Variants in KAZN observed in about 807,000 individuals in gnomAD.
KAZN encodes kazrin.
KAZN carries 40 observed loss-of-function variants against 87.4 expected under a neutral mutation model. The observed-to-expected ratio is 0.46, with a 90% CI of 0.36 to 0.60. The LOEUF is 0.60. KAZN is among the 20% of genes least tolerant of loss of function. The pLI, the probability that KAZN is intolerant of heterozygous loss-of-function variation, is 0.00. For synonymous variants in KAZN, 466 were observed against 458.3 expected (o/e 1.02, Z -0.22); for missense variants, 898 against 1,073.9 (o/e 0.84, Z 2.29).
At chr1:14,563,874 C>CTATTTTTTTTTTTTTTTT (rs1674393152) in intron 2 of KAZN, among the ~76,000 whole-genome samples, 1 of 97,928 alleles carries the variant, frequency 1.0e-5, no homozygotes, top group Non-Finnish European at 2.0e-5. Context: ...GTTCAAACTC[C>CTATTTTTTTTTTTTTTTT]TTTTTTTTTT....
intron 1 of KAZN, among the ~76,000 whole-genome samples, chr1:14,076,178 G>T (rs1643451663): frequency 6.6e-6 from 1 of 151,112 alleles, no homozygotes; most frequent in Non-Finnish European, 1.5e-5. Flanking sequence ...CTACTCGGGA[G>T]GCTGAGGCAG....
At chr1:15,025,807 G>A (rs12129176) in intron 2 of KAZN, among the ~76,000 whole-genome samples, 35,688 of 152,070 alleles carry the variant, frequency 0.23, 5,092 homozygotes, top group South Asian at 0.32. Context: ...ACCTCGTGGT[G>A]AGAAGATAAA....
intron 2 of KAZN, among the ~76,000 whole-genome samples, chr1:14,189,032 T>C (rs553463281): frequency 6.6e-6 from 1 of 152,228 alleles, no homozygotes; most frequent in South Asian, 2.1e-4. Context: ...TGAGGCATGG[T>C]GTTGCTAAGT....
intron 1 of KAZN, among the ~76,000 whole-genome samples, chr1:13,997,910 CAT>C (rs1206554247): frequency 1.3e-5 from 2 of 152,190 alleles, no homozygotes; most frequent in East Asian, 3.9e-4. Flanking sequence ...CCCCAAGACA[CAT>C]AATCATCAGA....
chr1:14,325,174 TC>T (rs1467356179), intron 2 of KAZN, among the ~76,000 whole-genome samples: 2 of 151,238 alleles, frequency 1.3e-5, no homozygotes, highest in African/African-American at 4.9e-5. Flanking sequence ...GTTTGTGCTC[TC>T]CCTCTCTCTC....
intron 1 of KAZN, among the ~76,000 whole-genome samples, chr1:14,090,813 A>C (rs1194642997): frequency 2.6e-5 from 4 of 152,094 alleles, no homozygotes; most frequent in Non-Finnish European, 5.9e-5. Flanking sequence ...ATCAATGCTC[A>C]GCTAAACACT....
At chr1:14,196,509 G>C (rs1646529406) in intron 2 of KAZN, among the ~76,000 whole-genome samples, 1 of 152,074 alleles carries the variant, frequency 6.6e-6, no homozygotes, top group African/African-American at 2.4e-5. Context: ...GGAGGTGAGA[G>C]AGAAAGAGAG....
Position 14,599,350 on chromosome 1 carries a change from T to G in KAZN, c.226+127T>G. The G allele has an allele frequency of 9.8e-7, 1 of 1,020,814 alleles. No individual in the cohort carries two copies. The highest frequency in any genetic ancestry group is 1.2e-6 in the Non-Finnish European group (1 of 800,028). 63.2% of individuals were successfully genotyped at this position (1,020,814 alleles called of 1,614,324 possible). ...GCTTTGCATTCTGGCTTGTAACCCT[T>G]TCCGCCCGGCGGTGGCCACCGCTGC... On this transcript the variant is annotated intron_variant, in intron 1 of 14. Coordinates refer to ENST00000376030, the MANE Select transcript of KAZN (RefSeq NM_201628.3). The surrounding 1 kb of genome is among the most constrained non-coding windows in gnomAD (Gnocchi z 4.4).
intron 2 of KAZN, among the ~76,000 whole-genome samples, chr1:14,187,691 T>C (rs912112122): frequency 9.9e-5 from 15 of 152,188 alleles, no homozygotes; most frequent in African/African-American, 3.6e-4. Context: ...AAGCCAAGGA[T>C]GTTGCTAAAC....
chr1:14,978,796 C>T (rs1041172961), intron 2 of KAZN, among the ~76,000 whole-genome samples: 3 of 152,074 alleles, frequency 2.0e-5, no homozygotes, highest in East Asian at 3.9e-4. Context: ...GGGGGTCTGA[C>T]GCCCAGACAT....
chr1:14,871,270 C>T (rs561359372), intron 1 of KAZN, among the ~76,000 whole-genome samples: 1 of 152,254 alleles, frequency 6.6e-6, no homozygotes, highest in Non-Finnish European at 1.5e-5. Flanking sequence ...CAGCTCTCTT[C>T]TAGAATGTTC....
chr1:14,730,666 T>G (rs918663784), intron 1 of KAZN, among the ~76,000 whole-genome samples: 5 of 152,164 alleles, frequency 3.3e-5, no homozygotes, highest in Admixed American at 2.0e-4. Flanking sequence ...ATTATCAGGT[T>G]CTGCAATACT....
intron 2 of KAZN, among the ~76,000 whole-genome samples, chr1:14,454,906 G>A (rs993070695): frequency 6.6e-6 from 1 of 152,186 alleles, no homozygotes; most frequent in African/African-American, 2.4e-5. Context: ...GTGGCTCAAT[G>A]GGATGCCTCA....
rs542949566 is a variant in KAZN, at chr1:14,331,660, T to C, written c.249+151068T>C. Among the ~76,000 whole-genome samples the C allele has an allele frequency of 1.8e-3, 279 of 152,312 alleles. 1 individual carries two copies. Among genetic ancestry groups the C allele is most frequent in the African/African-American group, 6.4e-3 (267 of 41,582 alleles). ...TTATTTAGTTAATTCATTTTTGTTC[T>C]CTTCTTAAAAAGATACTAAGCACCG... On this transcript the variant is annotated intron_variant, in intron 2 of 16. Transcript: ENST00000636203.
At chr1:14,593,547 C>T (rs1676323174) in intron 2 of KAZN, among the ~76,000 whole-genome samples, 1 of 152,160 alleles carries the variant, frequency 6.6e-6, no homozygotes, top group Non-Finnish European at 1.5e-5. Context: ...GAAGAATAAG[C>T]AGGATTGTTT....
chr1:15,111,497 C>T (rs982520201), intron 13 of KAZN, among the ~76,000 whole-genome samples: 1 of 152,110 alleles, frequency 6.6e-6, no homozygotes. Flanking sequence ...AGGCTGGTCT[C>T]GAACTCCTGG....
intron 8 of KAZN, among the ~76,000 whole-genome samples, chr1:15,085,404 T>C (rs1640203954): frequency 6.6e-6 from 1 of 152,216 alleles, no homozygotes; most frequent in Non-Finnish European, 1.5e-5. Flanking sequence ...CTCGGCTCAC[T>C]GCAACCTCCA....
intron 2 of KAZN, among the ~76,000 whole-genome samples, chr1:14,395,647 G>C (rs1476159241): frequency 6.6e-6 from 1 of 152,164 alleles, no homozygotes; most frequent in African/African-American, 2.4e-5. Context: ...GCCCTTCAGT[G>C]ATCAAACCCA....
chr1:13,978,184 C>T (rs946903188), intron 1 of KAZN, among the ~76,000 whole-genome samples: 60 of 147,524 alleles, frequency 4.1e-4, no homozygotes, highest in South Asian at 2.2e-4. Context: ...TGCATATGTG[C>T]GGCGCAAGAC....
Sources: gnomAD v4.1 joint callset for allele counts (sites outside exome capture counted in the v4.1 genomes callset) on GRCh38, gnomAD v4.1.1 for gene constraint, Gnocchi (gnomAD v3.1) non-coding constraint, MANE v1.5 for transcripts, NCBI Gene and HGNC (gene_info 2026-07-23, HGNC 2026-07-21) for gene names.